AGMO: variants seen among roughly 807,000 people sequenced by gnomAD.
AGMO encodes the protein alkylglycerol monooxygenase, also known as glyceryl-ether monooxygenase.
In AGMO, 75 loss-of-function variants were observed where a neutral mutation model predicts 60.2. The observed-to-expected ratio is 1.25, with a 90% CI of 1.03 to 1.51. AGMO has a LOEUF of 1.51. Among genes scored for constraint, AGMO ranks in the 40% most tolerant of loss-of-function variants. The pLI, the probability that AGMO is intolerant of heterozygous loss-of-function variation, is 0.00. For synonymous variants in AGMO, 261 were observed against 177.1 expected (o/e 1.47, Z -3.76); for missense variants, 763 against 525.5 (o/e 1.45, Z -4.42).
chr7:15,139,287 T>C, the AGMO span, among the ~76,000 whole-genome samples: 1 of 152,184 alleles, frequency 6.6e-6, no homozygotes, highest in Non-Finnish European at 1.5e-5. Flanking sequence ...TATGTAGTTG[T>C]TCATTCATTT....
the AGMO span, among the ~76,000 whole-genome samples, chr7:15,175,089 TTACC>T: frequency 1.3e-5 from 2 of 151,904 alleles, no homozygotes; most frequent in Non-Finnish European, 2.9e-5. Context: ...GATTAAAAAC[TTACC>T]TAACTGTGTT....
At chr7:15,356,202 G>C (rs1016831996) in intron 12 of AGMO, among the ~76,000 whole-genome samples, 1 of 152,138 alleles carries the variant, frequency 6.6e-6, no homozygotes, top group Admixed American at 6.5e-5. Flanking sequence ...CCATCTAGAT[G>C]TATAAACTAG....
the AGMO span, among the ~76,000 whole-genome samples, chr7:15,122,501 A>C: frequency 6.6e-6 from 1 of 152,026 alleles, no homozygotes; most frequent in Non-Finnish European, 1.5e-5. Flanking sequence ...AAACATCTCT[A>C]CCTGTTATTC....
At chr7:15,491,818 G>A (rs965525064) in intron 3 of AGMO, among the ~76,000 whole-genome samples, 1 of 152,282 alleles carries the variant, frequency 6.6e-6, no homozygotes, top group Admixed American at 6.5e-5. Flanking sequence ...TGTAGTCAAT[G>A]AACAGTATGT....
the AGMO span, among the ~76,000 whole-genome samples, chr7:15,139,841 AT>A: frequency 6.7e-6 from 1 of 149,870 alleles, no homozygotes; most frequent in Non-Finnish European, 1.5e-5. Context: ...AAAAAAAAGA[AT>A]AATACAGTAT....
rs528591988 is a variant in AGMO, at chr7:15,546,097, C to A, written c.258-1174G>T. Reference sequence around the variant, plus strand: ...GCATTTTACTGGGTCTTTTAAAGATCCAGCCCTTTAATTTTATTCTTGAAT... The same window carrying A: ...GCATTTTACTGGGTCTTTTAAAGATACAGCCCTTTAATTTTATTCTTGAAT... On this transcript the variant is annotated intron_variant, in intron 2 of 12. Transcript: ENST00000342526. 2.2e-3 allele frequency among the ~76,000 whole-genome samples: 329 copies of A among 152,110 alleles called. 1 individual carries two copies. The highest frequency in any genetic ancestry group is 7.7e-3 in the African/African-American group (320 of 41,506).
intron 12 of AGMO, among the ~76,000 whole-genome samples, chr7:15,312,493 A>C (rs1430743538): frequency 5.4e-5 from 8 of 148,938 alleles, no homozygotes; most frequent in South Asian, 2.2e-4. Flanking sequence ...TAGTGTGCCC[A>C]AAAAAAACAG....
chr7:15,335,776 T>C (rs1781640429), intron 12 of AGMO, among the ~76,000 whole-genome samples: 1 of 152,208 alleles, frequency 6.6e-6, no homozygotes, highest in Non-Finnish European at 1.5e-5. Flanking sequence ...GGTAGCAATG[T>C]ACACACTACA....
At chr7:15,343,042 A>G (rs552838404) in intron 12 of AGMO, among the ~76,000 whole-genome samples, 2 of 152,152 alleles carry the variant, frequency 1.3e-5, no homozygotes, top group Admixed American at 1.3e-4. Flanking sequence ...AAGGTACCTA[A>G]TATTATACAA....
chr7:15,303,960 A>C (rs1192184945), intron 12 of AGMO, among the ~76,000 whole-genome samples: 1 of 152,142 alleles, frequency 6.6e-6, no homozygotes, highest in Non-Finnish European at 1.5e-5. Context: ...GTCTGTGGGT[A>C]TATCTCTAAT....
chr7:15,184,829 GGAAT>G, the AGMO span, among the ~76,000 whole-genome samples: 5 of 78,344 alleles, frequency 6.4e-5, no homozygotes, highest in Non-Finnish European at 1.0e-4. Flanking sequence ...AAGGAAGGAA[GGAAT>G]GAAGGAAAGA....
intron 12 of AGMO, among the ~76,000 whole-genome samples, chr7:15,203,129 C>G (rs1781348445): frequency 6.6e-6 from 1 of 152,112 alleles, no homozygotes; most frequent in Non-Finnish European, 1.5e-5. Flanking sequence ...AGTACAATTA[C>G]TTCAGTGAAA....
chr7:15,362,503 C>T (rs1782805448), intron 12 of AGMO, among the ~76,000 whole-genome samples: 1 of 152,090 alleles, frequency 6.6e-6, no homozygotes, highest in Non-Finnish European at 1.5e-5. Flanking sequence ...TCAATTTCTT[C>T]CTATGTTCTC....
chr7:15,402,820 C>T (rs1338470651), intron 5 of AGMO, among the ~76,000 whole-genome samples: 3 of 151,538 alleles, frequency 2.0e-5, no homozygotes, highest in Non-Finnish European at 3.0e-5. Context: ...ATCTCTTACT[C>T]AAAGCTATTT....
intron 10 of AGMO, among the ~76,000 whole-genome samples, chr7:15,379,926 T>C (rs1040542376): frequency 2.0e-5 from 3 of 152,102 alleles, no homozygotes; most frequent in Non-Finnish European, 4.4e-5. Flanking sequence ...ATTATCCCAA[T>C]AGATGCAGAA....
At chr7:15,211,405 C>T (rs1781584947) in intron 12 of AGMO, among the ~76,000 whole-genome samples, 1 of 151,604 alleles carries the variant, frequency 6.6e-6, no homozygotes, top group Non-Finnish European at 1.5e-5. Context: ...TAAAATGATG[C>T]CTTTAAAGCT....
intron 3 of AGMO, among the ~76,000 whole-genome samples, chr7:15,487,436 C>G (rs1782952821): frequency 6.6e-6 from 1 of 152,008 alleles, no homozygotes; most frequent in Middle Eastern, 3.4e-3. Context: ...GAATAATATA[C>G]TTAATATAGT....
chr7:15,260,252 C>T (rs1783229594), intron 12 of AGMO, among the ~76,000 whole-genome samples: 1 of 150,892 alleles, frequency 6.6e-6, no homozygotes, highest in South Asian at 2.1e-4. Flanking sequence ...CAAGTTTCTG[C>T]TGTCTTCAGG....
the AGMO span, among the ~76,000 whole-genome samples, chr7:15,172,795 C>T: frequency 2.0e-5 from 3 of 152,094 alleles, no homozygotes; most frequent in African/African-American, 4.8e-5. Context: ...AGAAGTTGAG[C>T]GTCGCGGAGA....
Sources: allele counts gnomAD v4.1 joint callset (sites outside exome capture counted in the v4.1 genomes callset), GRCh38; gene constraint gnomAD v4.1.1; transcripts MANE v1.5; gene names NCBI Gene and HGNC (gene_info 2026-07-23, HGNC 2026-07-21).